ABCA5: variants seen among roughly 807,000 people sequenced by gnomAD.
ABCA5 encodes the protein cholesterol transporter ABCA5.
A neutral mutation model predicts 206.0 loss-of-function variants in ABCA5; 163 were observed. The ratio of observed to expected loss-of-function variants is 0.79; its 90% confidence interval spans 0.70 to 0.90. The LOEUF is 0.90. Ranked by LOEUF, ABCA5 falls within the 40% of genes least tolerant of loss-of-function variation. ABCA5 has a pLI of 0.00. For synonymous variants in ABCA5, 609 were observed against 613.8 expected, an observed-to-expected ratio of 0.99 and a Z score of 0.11; for missense variants, 1,859 against 1,912.9, an observed-to-expected ratio of 0.97 and a Z score of 0.53.
chr17:69,261,689 G>T lies in ABCA5; in HGVS notation c.3375C>A (p.Phe1125Leu), dbSNP rs746129800. Residue 1125 changes from phenylalanine (F) to leucine (L), a missense_variant, in exon 25 of 39, where the codon TTC (phenylalanine) becomes TTA (leucine). Phe to Leu is a conservative substitution (Grantham distance 22). Transcript: ENST00000392676. The stretch of plus-strand genomic sequence containing the variant: ...TGGTATTTAAAATTTTCTTAAAGGT[G>T]AAAGAAGCAATATAAGTGAACAGAA... ...SVILFTYIASFTFKKILNTKE... is the reference protein window; with the variant it reads ...SVILFTYIASLTFKKILNTKE... 2 of 1,520,864 alleles carry T rather than the reference G, an allele frequency of 1.3e-6. No homozygotes were observed. The highest frequency in any genetic ancestry group is 1.8e-6 in the Non-Finnish European group (2 of 1,131,778). The allele number at this position is 1,520,864 out of a possible 1,614,324, so 94.2% of individuals were successfully genotyped here. A position where few individuals can be genotyped will look rare whatever the true frequency, so the allele number is the denominator to read the frequency against.
Position 69,324,409 on chromosome 17 carries a change from A to G in ABCA5, c.-16+2643T>C, listed in dbSNP as rs372276007. Reference sequence around the variant, plus strand: ...AGAGGCATAAGGCAAAGTGAACCGGAGCAAGGGGTGCAGATGTATGTTCTA... The same window carrying G: ...AGAGGCATAAGGCAAAGTGAACCGGGGCAAGGGGTGCAGATGTATGTTCTA... On this transcript the variant is annotated intron_variant, in intron 1 of 38. Coordinates refer to ENST00000392676, the MANE Select transcript of ABCA5 (RefSeq NM_172232.4). 2.6e-5 allele frequency among the ~76,000 whole-genome samples: 4 copies of G among 152,348 alleles called. No homozygotes were observed. The South Asian group carries it at 8.3e-4, about 32-fold the overall frequency.
At chr17:69,324,094 C>T (rs184561277) in intron 1 of ABCA5, among the ~76,000 whole-genome samples, 1 of 152,084 alleles carries the variant, frequency 6.6e-6, no homozygotes, top group Non-Finnish European at 1.5e-5. Flanking sequence ...TTACAAAAAA[C>T]GTTGGTCAAC....
At chr17:69,320,639 C>T (rs774466152) in intron 1 of ABCA5, among the ~76,000 whole-genome samples, 3 of 152,126 alleles carry the variant, frequency 2.0e-5, no homozygotes, top group Non-Finnish European at 4.4e-5. Context: ...AACATTAATT[C>T]TTCATAAACC....
Position 69,259,756 on chromosome 17 carries a change from G to C in ABCA5, c.3681C>G (p.Tyr1227Ter), listed in dbSNP as rs2075125259. 1 of 1,609,334 alleles carries C rather than the reference G, an allele frequency of 6.2e-7. No homozygotes were observed. Among genetic ancestry groups the C allele is most frequent in the African/African-American group, 1.3e-5 (1 of 74,704 alleles). The change falls in exon 28 of 39, where the codon TAC (tyrosine) becomes TAG (stop). Residue 1227 changes from tyrosine (Y) to a stop codon, truncating the protein, a stop_gained. Transcript: ENST00000392676. LOFTEE classifies it high-confidence loss of function. Reference sequence around the variant, plus strand: ...ATCTGCCTCCATATTTTTTCTCATAGTATTGTAAGAGGAAAATCCACAGTA... The same window carrying C: ...ATCTGCCTCCATATTTTTTCTCATACTATTGTAAGAGGAAAATCCACAGTA... ...QCVLWIFLLQ[Y>*]YEKKYGGRSI...
chr17:69,315,486 G>A (rs1003788563), intron 1 of ABCA5: 1 of 152,154 alleles, frequency 6.6e-6, no homozygotes, highest in Non-Finnish European at 1.5e-5. Flanking sequence ...TGCAAATGAA[G>A]CATGTAGAAA....
intron 19 of ABCA5, among the ~76,000 whole-genome samples, chr17:69,274,369 C>T (rs998493622): frequency 2.6e-5 from 4 of 152,016 alleles, no homozygotes; most frequent in Non-Finnish European, 4.4e-5. Flanking sequence ...CAGGCACACG[C>T]CACCATACAC....
At chr17:69,255,047 T>C (rs1160995002) in intron 31 of ABCA5, among the ~76,000 whole-genome samples, 3 of 152,152 alleles carry the variant, frequency 2.0e-5, no homozygotes, top group East Asian at 1.9e-4. Context: ...AAAGAAAACA[T>C]CTTGGGCAAA....
Position 69,255,714 on chromosome 17 carries a change from G to A in ABCA5, c.3976+19C>T, listed in dbSNP as rs770513817. 5 of 1,578,056 alleles carry A rather than the reference G, an allele frequency of 3.2e-6. No homozygotes were observed. Among genetic ancestry groups the A allele is most frequent in the Admixed American group, 4.2e-5 (2 of 47,894 alleles). ...TTACTCTTCTAGAAAAGTTATGTAA[G>A]GAAAAATTAAATACCAGCCTTTTTT... On this transcript the variant is annotated intron_variant, in intron 30 of 38. Coordinates refer to ENST00000392676, the MANE Select transcript of ABCA5 (RefSeq NM_172232.4).
At chr17:69,266,347 T>C (rs2075207943) in intron 23 of ABCA5, among the ~76,000 whole-genome samples, 1 of 152,078 alleles carries the variant, frequency 6.6e-6, no homozygotes, top group Non-Finnish European at 1.5e-5. Flanking sequence ...CCTGTTACAT[T>C]GTACTATAAT....
In ABCA5 at chr17:69,313,250, C is replaced by T. The variant is rs1211485518; in HGVS notation, c.149G>A (p.Ser50Asn). ...LFFLFWLILI[S>N]MMHPNKKYEE... ...ATATTTCTTATTTGGATGCATCATGCTAATTAATATTAACCAAAATAAAAA... is the reference window on the plus strand; with the variant it reads ...ATATTTCTTATTTGGATGCATCATGTTAATTAATATTAACCAAAATAAAAA... Residue 50 changes from serine (S) to asparagine (N), a missense_variant, in exon 3 of 39, where the codon AGC becomes AAC. Coordinates refer to ENST00000392676, the MANE Select transcript of ABCA5 (RefSeq NM_172232.4). 6.7e-7 allele frequency: 1 copy of T among 1,496,688 alleles called. No homozygotes were observed. Among genetic ancestry groups the T allele is most frequent in the East Asian group, 2.3e-5 (1 of 43,758 alleles). The allele number at this position is 1,496,688 out of a possible 1,614,324, so 92.7% of individuals were successfully genotyped here. A position where few individuals can be genotyped will look rare whatever the true frequency, so the allele number is the denominator to read the frequency against.
At chr17:69,306,319 T>G (rs929076144) in intron 6 of ABCA5, among the ~76,000 whole-genome samples, 1 of 152,112 alleles carries the variant, frequency 6.6e-6, no homozygotes, top group South Asian at 2.1e-4. Flanking sequence ...TTTTTAATAT[T>G]ATATATATGC....
intron 11 of ABCA5, among the ~76,000 whole-genome samples, chr17:69,291,806 A>G (rs2075528935): frequency 6.6e-6 from 1 of 152,172 alleles, no homozygotes; most frequent in South Asian, 2.1e-4. Flanking sequence ...GATGAAGCAG[A>G]AATGGCTTAT....
At chr17:69,282,765 C>CA (rs71144668) in intron 18 of ABCA5, among the ~76,000 whole-genome samples, 21 of 107,910 alleles carry the variant, frequency 1.9e-4, no homozygotes, top group African/African-American at 6.6e-4. Flanking sequence ...GAGCAAGACT[C>CA]AAAAAAAAAA....
chr17:69,322,686 A>G (rs1189917391), intron 1 of ABCA5, among the ~76,000 whole-genome samples: 1 of 151,884 alleles, frequency 6.6e-6, no homozygotes, highest in Non-Finnish European at 1.5e-5. Flanking sequence ...TCCTTCAAAT[A>G]TTTTCAGCTA....
intron 9 of ABCA5, among the ~76,000 whole-genome samples, chr17:69,298,090 G>A (rs566560127): frequency 1.3e-5 from 2 of 152,226 alleles, no homozygotes; most frequent in Non-Finnish European, 2.9e-5. Flanking sequence ...GGAGGCTGAG[G>A]CAAGGGGATC....
chr17:69,251,877 T>C lies in ABCA5; in HGVS notation c.4416-11A>G, dbSNP rs1207746315. 1.1e-5 allele frequency: 17 copies of C among 1,606,722 alleles called. No homozygotes were observed. Among genetic ancestry groups the C allele is most frequent in the Non-Finnish European group, 1.2e-5 (14 of 1,178,346 alleles). The stretch of plus-strand genomic sequence containing the variant: ...GTTCGAATTGCTCGCCTATAAAACA[T>C]AAATAAAACAAAAAGAGAGGAACAC... On this transcript the variant is annotated splice_polypyrimidine_tract_variant and intron_variant, in intron 34 of 38. Coordinates refer to ENST00000392676, the MANE Select transcript of ABCA5 (RefSeq NM_172232.4).
chr17:69,298,271 G>A (rs1567774559), intron 9 of ABCA5, among the ~76,000 whole-genome samples: 38 of 118,428 alleles, frequency 3.2e-4, no homozygotes, highest in African/African-American at 1.3e-3. Flanking sequence ...AAGGAAGGAA[G>A]GAAGGAAGGA....
chr17:69,288,778 A>G (rs891765191), intron 14 of ABCA5, among the ~76,000 whole-genome samples: 2 of 151,822 alleles, frequency 1.3e-5, no homozygotes, highest in African/African-American at 2.4e-5. Context: ...ACTAAAGTCT[A>G]TTCTTCCATT....
chr17:69,308,307 T>C lies in ABCA5; in HGVS notation c.531A>G (p.Gln177=), dbSNP rs1300477738. 3 of 1,611,384 alleles carry C rather than the reference T, an allele frequency of 1.9e-6. No homozygotes were observed. Among genetic ancestry groups the C allele is most frequent in the Non-Finnish European group, 2.5e-6 (3 of 1,178,010 alleles). The change falls in exon 5 of 39, where the codon CAA becomes CAG. Residue 177 remains glutamine (Q), a synonymous_variant. Coordinates refer to ENST00000392676, the MANE Select transcript of ABCA5 (RefSeq NM_172232.4). ...GTATAATGGCAGCATCTATGGATGC[T>C]TGTAAAACTGTGAAACCTGAGGACC... The part of the protein sequence containing the change: ...QYWSSGFTVL[Q]ASIDAAIIQL...
Sources: allele counts gnomAD v4.1 joint callset (sites outside exome capture counted in the v4.1 genomes callset), GRCh38; gene constraint gnomAD v4.1.1; transcripts MANE v1.5; gene names NCBI Gene and HGNC (gene_info 2026-07-23, HGNC 2026-07-21).